ADAMTSL1: variants seen among roughly 807,000 people sequenced by gnomAD.
ADAMTSL1 encodes the protein ADAMTS-like protein 1.
ADAMTSL1 carries 126 observed loss-of-function variants against 201.8 expected under a neutral mutation model. That is an observed-to-expected ratio of 0.62 (90% CI 0.54 to 0.72). ADAMTSL1 has a LOEUF of 0.72. Ranked by LOEUF, ADAMTSL1 falls within the 30% of genes least tolerant of loss-of-function variation. The pLI is 0.00. For synonymous variants in ADAMTSL1, 1,121 were observed against 903.4 expected, an observed-to-expected ratio of 1.24 and a Z score of -4.32; for missense variants, 2,679 against 2,277.8, an observed-to-expected ratio of 1.18 and a Z score of -3.59.
chr9:18,644,953 G>A (rs1362103388), intron 7 of ADAMTSL1, among the ~76,000 whole-genome samples: 1 of 151,794 alleles, frequency 6.6e-6, no homozygotes, highest in Non-Finnish European at 1.5e-5. Flanking sequence ...GATCCCTGAG[G>A]AATCGCCACA....
chr9:18,634,699 G>A (rs535086697), intron 5 of ADAMTSL1, among the ~76,000 whole-genome samples: 6 of 151,254 alleles, frequency 4.0e-5, no homozygotes, highest in East Asian at 3.9e-4. Flanking sequence ...TTAGTCAGGC[G>A]TGATGGTGGG....
intron 8 of ADAMTSL1, among the ~76,000 whole-genome samples, chr9:18,660,544 C>T (rs918085524): frequency 6.6e-6 from 1 of 152,154 alleles, no homozygotes. Context: ...TAATTTACTG[C>T]ATTGTTCCTG....
At chr9:18,584,310 C>A (rs73431676) in intron 4 of ADAMTSL1, among the ~76,000 whole-genome samples, 2,872 of 151,458 alleles carry the variant, frequency 0.019, 42 homozygotes, top group African/African-American at 0.05. Context: ...CACAAGCTCT[C>A]TTCTTTTGTC....
chr9:18,363,283 G>A (rs35898503), intron 2 of ADAMTSL1, among the ~76,000 whole-genome samples: 8,153 of 152,308 alleles, frequency 0.054, 302 homozygotes, highest in Middle Eastern at 0.078. Context: ...TGTTGGCCAT[G>A]GCTACTGTGA....
intron 1 of ADAMTSL1, among the ~76,000 whole-genome samples, chr9:18,477,206 C>A (rs1821495808): frequency 2.6e-5 from 4 of 151,822 alleles, no homozygotes; most frequent in Admixed American, 2.6e-4. Context: ...ACATATGTGT[C>A]CATCTACACT....
intron 2 of ADAMTSL1, among the ~76,000 whole-genome samples, chr9:18,468,616 CA>C (rs886874151): frequency 6.6e-6 from 1 of 151,976 alleles, no homozygotes; most frequent in Non-Finnish European, 1.5e-5. Flanking sequence ...AGCAAACAAA[CA>C]AAAAAACCCT....
intron 2 of ADAMTSL1, among the ~76,000 whole-genome samples, chr9:18,438,937 C>A (rs1234053903): frequency 2.0e-5 from 3 of 152,138 alleles, no homozygotes; most frequent in Non-Finnish European, 4.4e-5. Flanking sequence ...GAGCCTTTGT[C>A]CCCCACCCGC....
chr9:18,095,583 C>T (rs12686274), intron 1 of ADAMTSL1, among the ~76,000 whole-genome samples: 5,717 of 151,894 alleles, frequency 0.038, 363 homozygotes, highest in East Asian at 0.35. Flanking sequence ...CCACCACGCC[C>T]GGCTAATTTT....
At chr9:17,931,228 G>A (rs1017194445) in intron 1 of ADAMTSL1, among the ~76,000 whole-genome samples, 2 of 152,068 alleles carry the variant, frequency 1.3e-5, no homozygotes, top group African/African-American at 2.4e-5. Flanking sequence ...CATTCTTCCC[G>A]ACTCCACAGG....
At chr9:18,669,212 T>C (rs1437075090) in intron 9 of ADAMTSL1, among the ~76,000 whole-genome samples, 1 of 152,214 alleles carries the variant, frequency 6.6e-6, no homozygotes, top group Admixed American at 6.5e-5. Flanking sequence ...TTCATGTAAG[T>C]GTAAATACTG....
At chr9:18,012,536 C>G (rs967980985) in intron 1 of ADAMTSL1, among the ~76,000 whole-genome samples, 2 of 152,022 alleles carry the variant, frequency 1.3e-5, no homozygotes, top group Admixed American at 6.6e-5. Context: ...GCCCAAGACT[C>G]GTACGTGAAC....
chr9:18,722,907 C>G, intron 15 of ADAMTSL1: 1 of 711,838 alleles, frequency 1.4e-6, no homozygotes, highest in South Asian at 1.5e-5. Context: ...CCCTGCCCCA[C>G]CTGGTTCCAC....
chr9:18,152,224 A>T (rs141287052), intron 1 of ADAMTSL1, among the ~76,000 whole-genome samples: 1 of 151,936 alleles, frequency 6.6e-6, no homozygotes, highest in Non-Finnish European at 1.5e-5. Flanking sequence ...CAAGAGCAGG[A>T]CCTCTGTGGA....
At chr9:17,974,788 A>C (rs560640963) in intron 1 of ADAMTSL1, among the ~76,000 whole-genome samples, 1 of 152,056 alleles carries the variant, frequency 6.6e-6, no homozygotes, top group Non-Finnish European at 1.5e-5. Flanking sequence ...TCTGTTGAAC[A>C]CTTAGGTTGT....
At position 18,534,388 on chromosome 9, in the gene ADAMTSL1, G is replaced by A. The variant is rs78694543; in HGVS notation, c.237+1096G>A. On this transcript the variant is annotated intron_variant, in intron 3 of 28. Coordinates refer to ENST00000380548, the MANE Select transcript of ADAMTSL1 (RefSeq NM_001040272.6). ...TTATAAGAAAGAAGAAGAAGAAGGA[G>A]GAGAACTTAAACCCAGAGGAAATAC... Among the ~76,000 whole-genome samples the A allele has an allele frequency of 1.6e-4, 24 of 152,204 alleles. No homozygotes were observed. In the East Asian group the frequency reaches 4.7e-3, roughly 30 times the overall value.
chr9:18,457,732 G>A (rs946137713), intron 2 of ADAMTSL1, among the ~76,000 whole-genome samples: 6 of 152,240 alleles, frequency 3.9e-5, no homozygotes, highest in South Asian at 2.1e-4. Context: ...ACAGAAATGC[G>A]GTATGCTGAG....
intron 2 of ADAMTSL1, among the ~76,000 whole-genome samples, chr9:18,230,860 G>A (rs1199905247): frequency 6.6e-6 from 1 of 152,150 alleles, no homozygotes; most frequent in Admixed American, 6.5e-5. Flanking sequence ...AACTGAGAAT[G>A]TATTTTATAT....
At chr9:18,906,418 C>G (rs559661827) in intron 27 of ADAMTSL1, among the ~76,000 whole-genome samples, 15 of 152,276 alleles carry the variant, frequency 9.9e-5, no homozygotes, top group African/African-American at 3.6e-4. Flanking sequence ...CAGGCTCTGC[C>G]GGTGTCCACA....
chr9:18,897,902 G>A (rs1009122610), intron 26 of ADAMTSL1, among the ~76,000 whole-genome samples: 1 of 152,122 alleles, frequency 6.6e-6, no homozygotes, highest in African/African-American at 2.4e-5. Flanking sequence ...AGTAGGCTGG[G>A]TGTGGTGGCT....
Sources: gnomAD v4.1 joint callset for allele counts (sites outside exome capture counted in the v4.1 genomes callset) on GRCh38, gnomAD v4.1.1 for gene constraint, MANE v1.5 for transcripts, NCBI Gene and HGNC (gene_info 2026-07-23, HGNC 2026-07-21) for gene names.